The following CAB39 variants were observed in gnomAD, a reference collection of about 807,000 sequenced individuals.
The protein encoded by CAB39 is calcium binding protein 39, also known as calcium-binding protein 39.
CAB39 carries 8 observed loss-of-function variants against 40.0 expected under a neutral mutation model. The observed-to-expected ratio is 0.20, with a 90% confidence interval of 0.12 to 0.36. The LOEUF (loss-of-function observed/expected upper bound fraction) is 0.36, where lower values mean the gene tolerates loss of function less well. CAB39 is among the 10% of genes least tolerant of loss of function. CAB39 has a pLI of 1.00. For missense variants in CAB39, 270 were observed against 401.1 expected, an observed-to-expected ratio of 0.67 and a Z score of 2.79; for synonymous variants, 156 against 141.6, an observed-to-expected ratio of 1.10 and a Z score of -0.72.
At chr2:230,759,610 G>A (rs1695254609) in intron 1 of CAB39, among the ~76,000 whole-genome samples, 1 of 152,204 alleles carries the variant, frequency 6.6e-6, no homozygotes, top group Admixed American at 6.5e-5. Context: ...GAGTTCTAGT[G>A]CTCAGCATCA....
At chr2:230,805,876 C>T (rs1696184292) in intron 5 of CAB39, among the ~76,000 whole-genome samples, 1 of 152,180 alleles carries the variant, frequency 6.6e-6, no homozygotes, top group Non-Finnish European at 1.5e-5. Context: ...GCTTTCCCCA[C>T]CCAGCTGAAC....
intron 1 of CAB39, among the ~76,000 whole-genome samples, chr2:230,727,803 G>A (rs1694613761): frequency 6.6e-6 from 1 of 152,106 alleles, no homozygotes; most frequent in Admixed American, 6.5e-5. Context: ...AGTTAGCATA[G>A]AAATTATATA....
chr2:230,755,100 C>T (rs962781817), intron 1 of CAB39, among the ~76,000 whole-genome samples: 14 of 152,082 alleles, frequency 9.2e-5, no homozygotes, highest in African/African-American at 7.2e-5. Context: ...TTTATCCACT[C>T]GTTGATTGAT....
chr2:230,725,425 A>G (rs2124862993), intron 1 of CAB39: 1 of 1,574,544 alleles, frequency 6.4e-7, no homozygotes, highest in Non-Finnish European at 8.7e-7. Flanking sequence ...TTAATCCGCA[A>G]CTTCAGTTCC....
chr2:230,746,620 G>A (rs1260247571), intron 1 of CAB39, among the ~76,000 whole-genome samples: 1 of 152,170 alleles, frequency 6.6e-6, no homozygotes, highest in Non-Finnish European at 1.5e-5. Context: ...TGTGAGTCCA[G>A]CTTTGTGTGT....
chr2:230,792,821 T>TGAAAGGAA (rs1695914361), intron 3 of CAB39, among the ~76,000 whole-genome samples: 4 of 152,148 alleles, frequency 2.6e-5, no homozygotes, highest in Admixed American at 2.6e-4. Context: ...AAAGCACATA[T>TGAAAGGAA]AGTGTTCCCA....
intron 2 of CAB39, among the ~76,000 whole-genome samples, chr2:230,771,072 G>A (rs1482184694): frequency 2.0e-5 from 3 of 152,094 alleles, no homozygotes; most frequent in African/African-American, 7.2e-5. Context: ...TAAATTAAAG[G>A]CATTCAGATT....
intron 2 of CAB39, among the ~76,000 whole-genome samples, chr2:230,784,512 TG>T (rs1260615555): frequency 2.0e-5 from 3 of 152,130 alleles, no homozygotes; most frequent in African/African-American, 7.2e-5. Context: ...TACCCTGCCT[TG>T]CGGGATTCCC....
chr2:230,792,529 T>C (rs1465349509), intron 3 of CAB39, among the ~76,000 whole-genome samples: 1 of 152,188 alleles, frequency 6.6e-6, no homozygotes, highest in Non-Finnish European at 1.5e-5. Flanking sequence ...TGGAGTCCAG[T>C]TCTCCATTTG....
intron 1 of CAB39, among the ~76,000 whole-genome samples, chr2:230,720,739 C>T (rs1469394787): frequency 6.6e-6 from 1 of 152,154 alleles, no homozygotes; most frequent in Non-Finnish European, 1.5e-5. Flanking sequence ...TTTAATGCCC[C>T]TTATGCTAGG....
chr2:230,784,107 G>C (rs1481091664), intron 2 of CAB39, among the ~76,000 whole-genome samples: 1 of 152,196 alleles, frequency 6.6e-6, no homozygotes, highest in African/African-American at 2.4e-5. Context: ...TTTGGGTGGT[G>C]ATGGTAGACG....
intron 2 of CAB39, among the ~76,000 whole-genome samples, chr2:230,775,669 C>T (rs998024504): frequency 1.3e-5 from 2 of 151,304 alleles, no homozygotes; most frequent in Non-Finnish European, 2.9e-5. Flanking sequence ...GATGACTTAA[C>T]AGTGGTGCGC....
Position 230,790,875 on chromosome 2 carries a change from A to C in CAB39, c.118A>C (p.Thr40Pro). 6.3e-7 allele frequency: 1 copy of C among 1,599,466 alleles called. No homozygotes were observed. The highest frequency in any genetic ancestry group is 8.5e-7 in the Non-Finnish European group (1 of 1,175,694). The change falls in exon 3 of 9, where the codon ACA (threonine) becomes CCA (proline). Residue 40 changes from threonine (T) to proline (P), a missense_variant. Physicochemically the swap from Thr to Pro is conservative, Grantham distance 38 (BLOSUM62 -1). Transcript: ENST00000258418. Reference protein sequence around the residue: ...DISDKKAEKATEEVSKNLVAM... With the variant: ...DISDKKAEKAPEEVSKNLVAM... ...CAACTCCTCTCTCTAAAATTAGGCTACAGAAGAAGTTTCCAAAAATCTGGT... is the reference window on the plus strand; with the variant it reads ...CAACTCCTCTCTCTAAAATTAGGCTCCAGAAGAAGTTTCCAAAAATCTGGT...
chr2:230,771,318 AAAAAAG>A (rs1230639443), intron 2 of CAB39, among the ~76,000 whole-genome samples: 10 of 152,280 alleles, frequency 6.6e-5, no homozygotes, highest in East Asian at 5.8e-4. Flanking sequence ...AAAGAATGGA[AAAAAAG>A]AAAAAGAAAA....
At chr2:230,811,184 C>T (rs1022587068) in intron 6 of CAB39, among the ~76,000 whole-genome samples, 1 of 152,134 alleles carries the variant, frequency 6.6e-6, no homozygotes, top group Non-Finnish European at 1.5e-5. Flanking sequence ...TTAATTTTTC[C>T]ACTACTCATT....
intron 1 of CAB39, among the ~76,000 whole-genome samples, chr2:230,755,834 T>C (rs1265774537): frequency 6.6e-6 from 1 of 152,186 alleles, no homozygotes; most frequent in Non-Finnish European, 1.5e-5. Flanking sequence ...ATGAGAAAGG[T>C]AGGTGGATTG....
intron 1 of CAB39, among the ~76,000 whole-genome samples, chr2:230,714,610 G>A (rs1694316468): frequency 6.6e-6 from 1 of 152,172 alleles, no homozygotes; most frequent in Non-Finnish European, 1.5e-5. Flanking sequence ...TCTTTGAGGT[G>A]GCATTTGTGT....
chr2:230,727,335 AAGT>A (rs949184355), intron 1 of CAB39, among the ~76,000 whole-genome samples: 12 of 150,260 alleles, frequency 8.0e-5, no homozygotes, highest in African/African-American at 7.4e-5. Context: ...TGTATTTAAG[AAGT>A]AGAGCACTTG....
chr2:230,725,065 G>T (rs189905375), intron 1 of CAB39: 2 of 1,508,596 alleles, frequency 1.3e-6, no homozygotes, highest in Non-Finnish European at 1.8e-6. Context: ...CTTTTCCTTC[G>T]TAGAGGACAG....
Sources: gnomAD v4.1 joint callset for allele counts (sites outside exome capture counted in the v4.1 genomes callset) on GRCh38, gnomAD v4.1.1 for gene constraint, MANE v1.5 for transcripts, NCBI Gene and HGNC (gene_info 2026-07-23, HGNC 2026-07-21) for gene names.